TTC39B: variants seen among roughly 807,000 people sequenced by gnomAD.
TTC39B encodes the protein tetratricopeptide repeat domain 39B, also known as tetratricopeptide repeat protein 39B.
TTC39B carries 92 observed loss-of-function variants against 96.6 expected under a neutral mutation model. The ratio of observed to expected loss-of-function variants is 0.95; its 90% CI spans 0.80 to 1.13. The LOEUF is 1.13. Among genes scored for constraint, TTC39B ranks in the 50% most tolerant of loss-of-function variants. The pLI, the probability that TTC39B is intolerant of heterozygous loss-of-function variation, is 0.00. For missense variants in TTC39B, 955 were observed against 809.3 expected, an observed-to-expected ratio of 1.18 and a Z score of -2.18; for synonymous variants, 367 against 299.4, an observed-to-expected ratio of 1.23 and a Z score of -2.33.
intron 1 of TTC39B, among the ~76,000 whole-genome samples, chr9:15,279,011 C>G (rs1170988298): frequency 6.6e-6 from 1 of 152,230 alleles, no homozygotes; most frequent in Non-Finnish European, 1.5e-5. Context: ...TTATCCATAA[C>G]TGAGCCTCAA....
At chr9:15,303,227 T>C (rs988352833) in intron 1 of TTC39B, among the ~76,000 whole-genome samples, 3 of 152,192 alleles carry the variant, frequency 2.0e-5, no homozygotes, top group African/African-American at 7.2e-5. Context: ...ACTTTTAATA[T>C]AATGTTAAAT....
Position 15,195,471 on chromosome 9 carries a change from C to G in TTC39B, c.825-2776G>C, listed in dbSNP as rs574724287. The stretch of plus-strand genomic sequence containing the variant: ...GGATCATGAGGTCAGGAGTTTGAGA[C>G]CAGCCTGGCCAAGCATGGTGAAACC... On this transcript the variant is annotated intron_variant, in intron 8 of 19. Coordinates refer to ENST00000512701, the Ensembl canonical transcript of TTC39B. Among the ~76,000 whole-genome samples, 6 of 151,666 alleles carry G rather than the reference C, an allele frequency of 4.0e-5. No homozygotes were observed. The South Asian group carries it at 1.3e-3, about 32-fold the overall frequency.
chr9:15,224,864 C>G (rs186782868), intron 3 of TTC39B, among the ~76,000 whole-genome samples: 1 of 152,192 alleles, frequency 6.6e-6, no homozygotes, highest in African/African-American at 2.4e-5. Context: ...CATTCTGTAA[C>G]CTTTTCTATA....
At chr9:15,188,443 A>G (rs904224588) in intron 13 of TTC39B, among the ~76,000 whole-genome samples, 1 of 152,198 alleles carries the variant, frequency 6.6e-6, no homozygotes, top group Non-Finnish European at 1.5e-5. Flanking sequence ...ATAGGACAAA[A>G]CACTGTAGGC....
chr9:15,207,188 T>C (rs1819914446), intron 6 of TTC39B, among the ~76,000 whole-genome samples: 1 of 152,148 alleles, frequency 6.6e-6, no homozygotes, highest in Non-Finnish European at 1.5e-5. Flanking sequence ...GGGCAGTTCT[T>C]TAGAGTAGTG....
At chr9:15,295,919 T>C (rs1295950855) in intron 1 of TTC39B, among the ~76,000 whole-genome samples, 1 of 152,060 alleles carries the variant, frequency 6.6e-6, no homozygotes, top group Non-Finnish European at 1.5e-5. Flanking sequence ...TGGGGGAGGA[T>C]TTTGGAGTCA....
At chr9:15,240,962 T>C (rs539710698) in intron 2 of TTC39B, among the ~76,000 whole-genome samples, 14 of 152,360 alleles carry the variant, frequency 9.2e-5, no homozygotes, top group African/African-American at 3.1e-4. Context: ...TGGTCCTTCA[T>C]GCATCTACCT....
intron 8 of TTC39B, among the ~76,000 whole-genome samples, chr9:15,195,670 C>CAAAAAAAA: frequency 1.5e-5 from 1 of 66,320 alleles, no homozygotes; most frequent in African/African-American, 6.3e-5. Context: ...ACTCCATCTC[C>CAAAAAAAA]AAAAAAAAAA....
At chr9:15,199,742 A>AAAAAAAAAC (rs1819416325) in intron 8 of TTC39B, 119 bp downstream of exon 8, 1 of 276,282 alleles carries the variant, frequency 3.6e-6, no homozygotes, top group Admixed American at 5.9e-5. Context: ...CTCAAAAAAA[A>AAAAAAAAAC]AAAAAAAAAA....
intron 1 of TTC39B, among the ~76,000 whole-genome samples, chr9:15,279,423 G>A (rs1006495981): frequency 6.6e-6 from 1 of 152,164 alleles, no homozygotes; most frequent in Non-Finnish European, 1.5e-5. Context: ...CCTATAATGG[G>A]GGAGAGAGAA....
At chr9:15,299,591 C>A (rs1440350877) in intron 1 of TTC39B, among the ~76,000 whole-genome samples, 2 of 152,070 alleles carry the variant, frequency 1.3e-5, no homozygotes, top group African/African-American at 4.8e-5. Flanking sequence ...AAAGGAAAAT[C>A]TCTCCCCCAG....
rs900592256 is a variant in TTC39B at position 15,269,652 on chromosome 9, G to A, written c.241-1704C>T. Among the ~76,000 whole-genome samples, 84 of 152,102 alleles carry A rather than the reference G, an allele frequency of 5.5e-4. 1 individual carries two copies. Among genetic ancestry groups the A allele is most frequent in the African/African-American group, 1.9e-3 (77 of 41,418 alleles). Reference sequence around the variant, plus strand: ...GTGGATCACAAGGTCAGGAGTTGGAGACCAGCCTGGCCCACATGGTGAATC... The same window carrying A: ...GTGGATCACAAGGTCAGGAGTTGGAAACCAGCCTGGCCCACATGGTGAATC... On this transcript the variant is annotated intron_variant, in intron 1 of 19. Coordinates refer to ENST00000512701, the Ensembl canonical transcript of TTC39B.
chr9:15,305,995 T>C lies in TTC39B; in HGVS notation c.240+1089A>G, dbSNP rs567522832. ...TCTCTGTCATGCAGAGGAGCTGTAG[T>C]TCAGTTTTTGTTTTTTGTTTATTTT... On this transcript the variant is annotated intron_variant, in intron 1 of 19. Coordinates refer to ENST00000512701, the Ensembl canonical transcript of TTC39B. 4.5e-4 allele frequency among the ~76,000 whole-genome samples: 68 copies of C among 152,064 alleles called. 1 individual carries two copies. Among genetic ancestry groups the C allele is most frequent in the Non-Finnish European group, 4.4e-4 (30 of 68,004 alleles).
chr9:15,223,423 G>A (rs1055798021), intron 3 of TTC39B, among the ~76,000 whole-genome samples: 3 of 152,222 alleles, frequency 2.0e-5, no homozygotes, highest in Non-Finnish European at 2.9e-5. Flanking sequence ...CATCCGGGGT[G>A]TCTCACTTGT....
intron 15 of TTC39B, 198 bp from the exon 16 acceptor site, chr9:15,185,604 C>G (rs1411136650): frequency 1.5e-6 from 1 of 662,078 alleles, no homozygotes; most frequent in East Asian, 3.7e-5. Context: ...GCCGAGCAAT[C>G]TAGATTTTGA....
intron 1 of TTC39B, among the ~76,000 whole-genome samples, chr9:15,286,084 A>T (rs1253908315): frequency 6.6e-6 from 1 of 152,216 alleles, no homozygotes; most frequent in African/African-American, 2.4e-5. Context: ...ATGTTTCCTA[A>T]AAATAAGGAT....
At chr9:15,243,629 G>A (rs1227576258) in intron 2 of TTC39B, among the ~76,000 whole-genome samples, 1 of 152,220 alleles carries the variant, frequency 6.6e-6, no homozygotes, top group Non-Finnish European at 1.5e-5. Context: ...TGGAAAGCAG[G>A]CTGGGTACAG....
exon 20 of TTC39B, chr9:15,166,913 T>C (rs1227130528): frequency 7.2e-6 from 1 of 138,494 alleles, no homozygotes; most frequent in Non-Finnish European, 1.5e-5. Flanking sequence ...TGCATATCAC[T>C]TAGGTATCAT....
chr9:15,220,355 T>A (rs1032868202), intron 3 of TTC39B, among the ~76,000 whole-genome samples: 1 of 152,168 alleles, frequency 6.6e-6, no homozygotes, highest in Non-Finnish European at 1.5e-5. Context: ...TCATTAGTTA[T>A]CCAAGGGAGA....
Sources: gnomAD v4.1 joint callset for allele counts (sites outside exome capture counted in the v4.1 genomes callset) on GRCh38, gnomAD v4.1.1 for gene constraint, MANE v1.5 for transcripts, NCBI Gene and HGNC (gene_info 2026-07-23, HGNC 2026-07-21) for gene names.